CTNNA3: variants seen among roughly 807,000 people sequenced by gnomAD.
CTNNA3 encodes the protein catenin alpha-3.
In CTNNA3, 76 loss-of-function variants were observed where a neutral mutation model predicts 95.7. That is an observed-to-expected ratio of 0.79 (90% CI 0.66 to 0.96). CTNNA3 has a LOEUF of 0.96. CTNNA3 is among the 40% of genes least tolerant of loss of function. CTNNA3 has a pLI of 0.00. For synonymous variants in CTNNA3, 431 were observed against 374.4 expected, an observed-to-expected ratio of 1.15 and a Z score of -1.74; for missense variants, 1,191 against 1,089.8, an observed-to-expected ratio of 1.09 and a Z score of -1.31.
intron 7 of CTNNA3, among the ~76,000 whole-genome samples, chr10:66,844,207 G>T (rs1292952781): frequency 6.6e-6 from 1 of 152,114 alleles, no homozygotes; most frequent in Non-Finnish European, 1.5e-5. Flanking sequence ...TCTTAAATCC[G>T]AATGACTACT....
intron 14 of CTNNA3, chr10:66,085,129 A>G (rs184009619): frequency 6.6e-6 from 1 of 152,172 alleles, no homozygotes; most frequent in African/African-American, 2.4e-5. Context: ...GAGCCTTAGA[A>G]TATTTCAAAA....
At chr10:66,851,080 A>C (rs1843467383) in intron 7 of CTNNA3, among the ~76,000 whole-genome samples, 1 of 152,160 alleles carries the variant, frequency 6.6e-6, no homozygotes, top group South Asian at 2.1e-4. Context: ...TGGCAAAGAC[A>C]ACCTTCACTG....
rs184139929 is a variant in CTNNA3, at chr10:66,139,886, C to T, written c.1885-36637G>A. On this transcript the variant is annotated intron_variant, in intron 13 of 17. Transcript: ENST00000433211. ...AACTCCAATAAAGAGACTTTGCCTT[C>T]GTCCGGTTCTCCCTTTTCCTGATGA... Among the ~76,000 whole-genome samples the T allele has an allele frequency of 7.9e-4, 120 of 152,284 alleles. No homozygotes were observed. In the Middle Eastern group the frequency reaches 0.014, roughly 17 times the overall value.
At chr10:67,328,304 C>T (rs113663600) in intron 5 of CTNNA3, among the ~76,000 whole-genome samples, 171 of 152,234 alleles carry the variant, frequency 1.1e-3, no homozygotes, top group Non-Finnish European at 1.7e-3. Context: ...CCAGGGCACC[C>T]GAGGCTGCTC....
intron 5 of CTNNA3, among the ~76,000 whole-genome samples, chr10:67,237,148 A>ATG (rs1819640787): frequency 2.6e-5 from 2 of 76,262 alleles, no homozygotes; most frequent in African/African-American, 1.6e-4. Context: ...ATATATATAT[A>ATG]TATATATATA....
At chr10:66,200,090 CATGT>C (rs1234583520) in intron 13 of CTNNA3, among the ~76,000 whole-genome samples, 1 of 151,378 alleles carries the variant, frequency 6.6e-6, no homozygotes, top group Non-Finnish European at 1.5e-5. Context: ...TATGTACACA[CATGT>C]ATGTATGCAC....
chr10:66,048,994 T>C (rs1000467217), intron 15 of CTNNA3, among the ~76,000 whole-genome samples: 9 of 151,380 alleles, frequency 5.9e-5, no homozygotes, highest in African/African-American at 2.2e-4. Context: ...CTTAACAGGG[T>C]AAACAAACAA....
chr10:67,143,881 A>G (rs1430519729), intron 7 of CTNNA3, among the ~76,000 whole-genome samples: 1 of 152,196 alleles, frequency 6.6e-6, no homozygotes, highest in East Asian at 1.9e-4. Flanking sequence ...ATGAATCACA[A>G]ATGTTCTTAG....
chr10:66,128,548 G>A (rs571235195), intron 13 of CTNNA3, among the ~76,000 whole-genome samples: 1 of 152,032 alleles, frequency 6.6e-6, no homozygotes, highest in Non-Finnish European at 1.5e-5. Flanking sequence ...AAAGCCAGTC[G>A]GAAAAGGCTA....
At chr10:66,843,601 G>A (rs1843145417) in intron 7 of CTNNA3, among the ~76,000 whole-genome samples, 1 of 152,164 alleles carries the variant, frequency 6.6e-6, no homozygotes, top group African/African-American at 2.4e-5. Flanking sequence ...GACAACAGAG[G>A]AACTTGACAG....
At chr10:66,837,124 A>G (rs934617603) in intron 7 of CTNNA3, among the ~76,000 whole-genome samples, 1 of 152,176 alleles carries the variant, frequency 6.6e-6, no homozygotes, top group Non-Finnish European at 1.5e-5. Context: ...TGCCTTTAAG[A>G]CATTCTCTTG....
chr10:67,372,909 T>C (rs1164729148), intron 5 of CTNNA3, among the ~76,000 whole-genome samples: 2 of 152,142 alleles, frequency 1.3e-5, no homozygotes, highest in Non-Finnish European at 2.9e-5. Context: ...TAAAATACTT[T>C]ATAGACAAGC....
At chr10:66,491,124 C>T (rs1839907849) in intron 11 of CTNNA3, among the ~76,000 whole-genome samples, 1 of 152,168 alleles carries the variant, frequency 6.6e-6, no homozygotes, top group South Asian at 2.1e-4. Context: ...CATCTAGAAA[C>T]TCAACCATAG....
chr10:66,360,636 T>TTCC (rs2092650234), intron 12 of CTNNA3, among the ~76,000 whole-genome samples: 3 of 55,538 alleles, frequency 5.4e-5, no homozygotes, highest in South Asian at 6.6e-4. Context: ...TCTTTCTTTC[T>TTCC]TTCTTTCTTT....
intron 12 of CTNNA3, among the ~76,000 whole-genome samples, chr10:66,360,892 T>C (rs1209316928): frequency 1.6e-5 from 2 of 127,968 alleles, no homozygotes; most frequent in Non-Finnish European, 3.5e-5. Context: ...CTTTTTTCTT[T>C]ATTTCTTTCT....
chr10:67,436,059 C>A (rs991059697), intron 5 of CTNNA3, among the ~76,000 whole-genome samples: 1 of 152,100 alleles, frequency 6.6e-6, no homozygotes, highest in Non-Finnish European at 1.5e-5. Context: ...CATCACACTA[C>A]CTGATTTCAA....
At chr10:66,179,134 C>T (rs2085897305) in intron 13 of CTNNA3, among the ~76,000 whole-genome samples, 1 of 151,712 alleles carries the variant, frequency 6.6e-6, no homozygotes, top group African/African-American at 2.4e-5. Context: ...TCATAATAGC[C>T]CCAAACTGGA....
intron 7 of CTNNA3, among the ~76,000 whole-genome samples, chr10:67,145,763 T>C (rs1390168747): frequency 6.6e-6 from 1 of 152,182 alleles, no homozygotes; most frequent in Non-Finnish European, 1.5e-5. Flanking sequence ...CTATTATAAA[T>C]ATATATTTGA....
intron 3 of CTNNA3, among the ~76,000 whole-genome samples, chr10:67,550,967 G>T (rs1841007922): frequency 6.6e-6 from 1 of 152,148 alleles, no homozygotes; most frequent in Non-Finnish European, 1.5e-5. Flanking sequence ...GGGAAAGGAG[G>T]CAGAGAAGAG....
Sources: gnomAD v4.1 joint callset for allele counts (sites outside exome capture counted in the v4.1 genomes callset) on GRCh38, gnomAD v4.1.1 for gene constraint, MANE v1.5 for transcripts, NCBI Gene and HGNC (gene_info 2026-07-23, HGNC 2026-07-21) for gene names.